Variants in CFTR observed in about 807,000 individuals in gnomAD.
CFTR encodes the protein cystic fibrosis transmembrane conductance regulator.
Under a neutral mutation model 171.6 loss-of-function variants are expected in CFTR, and 181 were observed. The ratio of observed to expected loss-of-function variants is 1.05; its 90% CI spans 0.93 to 1.19. The LOEUF is 1.19. Among genes scored for constraint, CFTR ranks in the 50% most tolerant of loss-of-function variants. The pLI is 0.00. For synonymous variants in CFTR, 583 were observed against 608.0 expected (o/e 0.96, Z 0.60); for missense variants, 1,968 against 1,734.7 (o/e 1.13, Z -2.39).
intron 12 of CFTR, among the ~76,000 whole-genome samples, chr7:117,588,681 A>G (rs150369898): frequency 5.6e-4 from 85 of 152,224 alleles, no homozygotes; most frequent in African/African-American, 2.0e-3. Flanking sequence ...TCATGTGTGT[A>G]CTTTTGTGTG....
chr7:117,542,204 A>T (rs1799067045), intron 9 of CFTR, 96 bp downstream of exon 9: 1 of 720,752 alleles, frequency 1.4e-6, no homozygotes, highest in African/African-American at 1.8e-5. Context: ...AATTAGAATG[A>T]TGATATAACT....
intron 10 of CFTR, among the ~76,000 whole-genome samples, chr7:117,553,135 C>T (rs1383445547): frequency 6.6e-6 from 1 of 152,096 alleles, no homozygotes; most frequent in Non-Finnish European, 1.5e-5. Context: ...TGATCTTGGA[C>T]TTCCCAGCCT....
chr7:117,606,655 G>C lies in CFTR; in HGVS notation c.2909-19G>C. Reference sequence around the variant, plus strand: ...AAAATTAGTGTTTTTTGAGGAATTTGTCATCTTGTATATTATAGGTGGGAT... The same window carrying C: ...AAAATTAGTGTTTTTTGAGGAATTTCTCATCTTGTATATTATAGGTGGGAT... On this transcript the variant is annotated intron_variant, in intron 17 of 26. Transcript: ENST00000003084. 7.5e-7 allele frequency: 1 copy of C among 1,339,342 alleles called. No individual in the cohort carries two copies. The highest frequency in any genetic ancestry group is 1.7e-5 in the Admixed American group (1 of 59,570). The allele number at this position is 1,339,342 out of a possible 1,614,324, so 83.0% of individuals were successfully genotyped here.
intron 10 of CFTR, among the ~76,000 whole-genome samples, chr7:117,554,847 G>A (rs145190800): frequency 5.5e-4 from 84 of 152,172 alleles, no homozygotes; most frequent in Non-Finnish European, 1.0e-3. Context: ...GAGATAACTC[G>A]TGACTTAATG....
intron 2 of CFTR, among the ~76,000 whole-genome samples, chr7:117,504,755 C>CAAAA: frequency 1.2e-5 from 1 of 84,178 alleles, no homozygotes; most frequent in Non-Finnish European, 2.3e-5. Flanking sequence ...CCCTCTCTCT[C>CAAAA]TAAAAAAAAA....
intron 22 of CFTR, among the ~76,000 whole-genome samples, chr7:117,632,725 G>C (rs533374990): frequency 1.1e-4 from 16 of 152,250 alleles, no homozygotes; most frequent in Middle Eastern, 3.4e-3. Flanking sequence ...GAAGTAGAAA[G>C]CAAGAGCACT....
intron 3 of CFTR, among the ~76,000 whole-genome samples, chr7:117,519,844 A>G (rs567732504): frequency 4.3e-4 from 66 of 151,760 alleles, no homozygotes; most frequent in African/African-American, 1.4e-3. Context: ...CCATTTTTTT[A>G]TTACTATAAA....
Position 117,536,624 on chromosome 7 carries a change from G to A in CFTR, c.820G>A (p.Ala274Thr). Residue 274 changes from alanine (A) to threonine (T), a missense_variant, in exon 7 of 27, where the codon GCA becomes ACA. Coordinates refer to ENST00000003084, the MANE Select transcript of CFTR (RefSeq NM_000492.4). The stretch of plus-strand genomic sequence containing the variant: ...GATTGAAAATATCCAATCTGTTAAG[G>A]CATACTGCTGGGAAGAAGCAATGGA... Reference protein sequence around the residue: ...EMIENIQSVKAYCWEEAMEKM... With the variant: ...EMIENIQSVKTYCWEEAMEKM... 3 of 1,611,402 alleles carry A rather than the reference G, an allele frequency of 1.9e-6. No homozygotes were observed. The highest frequency in any genetic ancestry group is 2.5e-6 in the Non-Finnish European group (3 of 1,178,848).
chr7:117,590,544 A>G, intron 13 of CFTR, 105 bp downstream of exon 13: 2 of 1,360,734 alleles, frequency 1.5e-6, no homozygotes, highest in East Asian at 2.4e-5. Flanking sequence ...TATGTTCACC[A>G]TTGTTGGTAT....
chr7:117,572,211 A>G (rs560698765), intron 11 of CFTR, among the ~76,000 whole-genome samples: 2 of 152,238 alleles, frequency 1.3e-5, no homozygotes, highest in African/African-American at 4.8e-5. Flanking sequence ...CATGTTGGCC[A>G]AGTTGGTCTG....
chr7:117,506,883 G>C (rs28771969), intron 2 of CFTR, among the ~76,000 whole-genome samples: 1,549 of 152,006 alleles, frequency 0.01, 21 homozygotes, highest in African/African-American at 0.035. Flanking sequence ...GAAATATTTT[G>C]GAAGAGTGAC....
intron 10 of CFTR, among the ~76,000 whole-genome samples, chr7:117,553,659 G>A (rs1286456675): frequency 6.6e-6 from 1 of 152,110 alleles, no homozygotes; most frequent in Non-Finnish European, 1.5e-5. Flanking sequence ...TATAAGTAGT[G>A]TAAAATATCA....
chr7:117,578,771 TTCTGAAAATCTC>T, intron 11 of CFTR, among the ~76,000 whole-genome samples: 1 of 152,240 alleles, frequency 6.6e-6, no homozygotes, highest in East Asian at 1.9e-4. Context: ...TTTGAAGTAA[TTCTGAAAATCTC>T]TCTTTTAAGC....
rs776162972 is a variant in CFTR, at chr7:117,592,278, C to T, written c.2111C>T (p.Pro704Leu). The change falls in exon 14 of 27, where the codon CCA (proline) becomes CTA (leucine). Residue 704 changes from proline to leucine, a missense_variant. By Grantham distance (98) the Pro-to-Leu change is moderately conservative. Coordinates refer to ENST00000003084, the MANE Select transcript of CFTR (RefSeq NM_000492.4). Reference sequence around the variant, plus strand: ...AAAAGGAAGAATTCTATTCTCAATCCAATCAACTCTATACGAAAATTTTCC... The same window carrying T: ...AAAAGGAAGAATTCTATTCTCAATCTAATCAACTCTATACGAAAATTTTCC... Reference protein sequence around the residue: ...GEKRKNSILNPINSIRKFSIV... With the variant: ...GEKRKNSILNLINSIRKFSIV... 1.9e-6 allele frequency: 3 copies of T among 1,613,880 alleles called. No homozygotes were observed. In the African/African-American group the frequency reaches 4.0e-5, roughly 22 times the overall value.
At chr7:117,597,544 C>T (rs34628207) in intron 15 of CFTR, among the ~76,000 whole-genome samples, 6 of 152,282 alleles carry the variant, frequency 3.9e-5, no homozygotes, top group African/African-American at 1.2e-4. Flanking sequence ...TGATATGTGC[C>T]ACCACCAATA....
chr7:117,616,674 C>A (rs979126322), intron 21 of CFTR, among the ~76,000 whole-genome samples: 2 of 152,070 alleles, frequency 1.3e-5, no homozygotes, highest in African/African-American at 4.8e-5. Context: ...GTGACCTGTG[C>A]TTTGATATCG....
At chr7:117,618,072 A>G (rs1214931547) in intron 21 of CFTR, among the ~76,000 whole-genome samples, 1 of 152,102 alleles carries the variant, frequency 6.6e-6, no homozygotes, top group Admixed American at 6.6e-5. Flanking sequence ...CTTCCATGAC[A>G]CTACTCCCAC....
chr7:117,498,504 T>G (rs747541102), intron 1 of CFTR, among the ~76,000 whole-genome samples: 1 of 152,202 alleles, frequency 6.6e-6, no homozygotes, highest in African/African-American at 2.4e-5. Flanking sequence ...CACAGGACTT[T>G]AGAGAGCTGG....
At chr7:117,485,586 GTGTCAGCAAAGAGCTTAGGC>G (rs1798062693) in intron 1 of CFTR, among the ~76,000 whole-genome samples, 1 of 152,148 alleles carries the variant, frequency 6.6e-6, no homozygotes, top group Admixed American at 6.5e-5. Flanking sequence ...GTAGGGCATT[GTGTCAGCAAAGAGCTTAGGC>G]TTCTTTTAGC....
Sources: gnomAD v4.1 joint callset for allele counts (sites outside exome capture counted in the v4.1 genomes callset) on GRCh38, gnomAD v4.1.1 for gene constraint, MANE v1.5 for transcripts, NCBI Gene and HGNC (gene_info 2026-07-23, HGNC 2026-07-21) for gene names.